The following SV2C variants were observed in gnomAD, a reference collection of about 807,000 sequenced individuals.
The protein encoded by SV2C is synaptic vesicle glycoprotein 2C.
In SV2C, 49 loss-of-function variants were observed where a neutral mutation model predicts 79.7. The ratio of observed to expected loss-of-function variants is 0.61; its 90% CI spans 0.49 to 0.78. The LOEUF is 0.78. Among genes scored for constraint, SV2C ranks in the 30% least tolerant of loss-of-function variants. SV2C has a pLI of 0.00. For missense variants in SV2C, 833 were observed against 912.9 expected (o/e 0.91, Z 1.13); for synonymous variants, 334 against 333.2 (o/e 1.00, Z -0.03).
the SV2C span, among the ~76,000 whole-genome samples, chr5:75,888,554 C>T: frequency 2.0e-4 from 31 of 152,092 alleles, no homozygotes; most frequent in African/African-American, 5.3e-4. Context: ...CTTTTCCTTT[C>T]GCTGCCACAT....
intron 9 of SV2C, 34 bp from the exon 10 acceptor site, chr5:76,298,760 T>C (rs1334129152): frequency 1.2e-6 from 2 of 1,608,540 alleles, no homozygotes; most frequent in Non-Finnish European, 8.5e-7. Context: ...GACACAGTCA[T>C]TGATTGATAT....
intron 2 of SV2C, among the ~76,000 whole-genome samples, chr5:76,141,059 T>A (rs1749235082): frequency 6.6e-6 from 1 of 152,224 alleles, no homozygotes; most frequent in Non-Finnish European, 1.5e-5. Context: ...GGATCTTATT[T>A]CCTCTTGCCT....
At chr5:76,166,596 C>G (rs1014041343) in intron 2 of SV2C, among the ~76,000 whole-genome samples, 5 of 152,238 alleles carry the variant, frequency 3.3e-5, no homozygotes, top group African/African-American at 1.2e-4. Context: ...CCACAAATAT[C>G]TAGGAGCTAG....
the SV2C span, among the ~76,000 whole-genome samples, chr5:75,881,023 G>C: frequency 0.024 from 3,707 of 152,176 alleles, 145 homozygotes; most frequent in African/African-American, 0.085. Flanking sequence ...AGGAACAAAA[G>C]AGTGAGTGGA....
rs1297623079 is a variant in SV2C at position 76,209,791 on chromosome 5, G to A, written c.817G>A (p.Glu273Lys). The change falls in exon 4 of 13, where the codon GAA (glutamate) becomes AAA (lysine). Residue 273 changes from glutamate (E) to lysine (K), a missense_variant. By Grantham distance (56) the Glu-to-Lys change is moderately conservative. Coordinates refer to ENST00000502798, the MANE Select transcript of SV2C (RefSeq NM_014979.4). ...GTACTTTGCTGAAGTCCTGGCCCGG[G>A]AAAAGCGGGGCGAACACTTGAGCTG... The part of the protein sequence containing the change: ...FSYFAEVLAR[E>K]KRGEHLSWLC... 1 of 1,614,102 alleles carries A rather than the reference G, an allele frequency of 6.2e-7. No homozygotes were observed. Among genetic ancestry groups the A allele is most frequent in the Non-Finnish European group, 8.5e-7 (1 of 1,180,048 alleles).
intron 4 of SV2C, among the ~76,000 whole-genome samples, chr5:76,262,842 T>G (rs1394908884): frequency 6.6e-6 from 1 of 152,226 alleles, no homozygotes; most frequent in African/African-American, 2.4e-5. Flanking sequence ...AGGAGTGTTT[T>G]ACTTCCAATT....
At chr5:76,146,097 A>C (rs1749411076) in intron 2 of SV2C, among the ~76,000 whole-genome samples, 1 of 152,180 alleles carries the variant, frequency 6.6e-6, no homozygotes, top group South Asian at 2.1e-4. Flanking sequence ...CCTGACAAGG[A>C]CTGAGCTGAA....
the SV2C span, among the ~76,000 whole-genome samples, chr5:75,916,246 C>G: frequency 6.7e-6 from 1 of 150,126 alleles, no homozygotes; most frequent in Admixed American, 6.6e-5. Flanking sequence ...GGTTCCTCCT[C>G]CTTGTCCTCT....
the SV2C span, among the ~76,000 whole-genome samples, chr5:76,037,440 C>T: frequency 6.6e-6 from 1 of 152,150 alleles, no homozygotes; most frequent in Non-Finnish European, 1.5e-5. Context: ...GATGTCCTTT[C>T]TGTTTGTTAG....
the SV2C span, among the ~76,000 whole-genome samples, chr5:75,987,521 A>C: frequency 6.6e-6 from 1 of 151,928 alleles, no homozygotes; most frequent in Non-Finnish European, 1.5e-5. Context: ...GAGCAGGAAA[A>C]CCAACTCTGG....
chr5:76,033,887 A>C, the SV2C span, among the ~76,000 whole-genome samples: 2 of 151,544 alleles, frequency 1.3e-5, no homozygotes, highest in African/African-American at 2.4e-5. Context: ...TGAGCATGGA[A>C]TGTTCTTCCA....
chr5:76,277,734 G>T (rs1033308821), intron 4 of SV2C, among the ~76,000 whole-genome samples: 6 of 151,150 alleles, frequency 4.0e-5, no homozygotes, highest in Admixed American at 2.0e-4. Flanking sequence ...CGCCAGCCTG[G>T]GTGACCTAGG....
chr5:76,223,942 T>C (rs1257313858), intron 4 of SV2C, among the ~76,000 whole-genome samples: 2 of 152,086 alleles, frequency 1.3e-5, no homozygotes, highest in African/African-American at 4.8e-5. Context: ...GGGATGGGCA[T>C]CTCTCTCTTC....
chr5:76,282,404 G>A (rs754887869), intron 4 of SV2C, among the ~76,000 whole-genome samples: 6 of 152,248 alleles, frequency 3.9e-5, no homozygotes, highest in Admixed American at 6.5e-5. Context: ...GAGGTCTCAT[G>A]AAGCTTTGGC....
At chr5:75,999,135 C>T in the SV2C span, among the ~76,000 whole-genome samples, 173 of 152,086 alleles carry the variant, frequency 1.1e-3, 2 homozygotes, top group Admixed American at 4.5e-3. Context: ...TTCACTATCA[C>T]GAGAACAGCA....
chr5:76,125,061 G>A (rs1384039357), intron 1 of SV2C, among the ~76,000 whole-genome samples: 5 of 152,072 alleles, frequency 3.3e-5, no homozygotes, highest in African/African-American at 7.2e-5. Context: ...CAACTGCTGA[G>A]GTCTTTACCC....
intron 4 of SV2C, among the ~76,000 whole-genome samples, chr5:76,213,252 C>T (rs778056330): frequency 6.6e-6 from 1 of 152,146 alleles, no homozygotes; most frequent in Non-Finnish European, 1.5e-5. Context: ...AATAACTTTG[C>T]TGAGGTCATT....
At chr5:76,033,387 C>G in the SV2C span, among the ~76,000 whole-genome samples, 4 of 152,172 alleles carry the variant, frequency 2.6e-5, no homozygotes, top group Non-Finnish European at 5.9e-5. Flanking sequence ...TTAGGTCTAA[C>G]ATTTAAGTCT....
At chr5:76,269,356 A>G (rs898149372) in intron 4 of SV2C, among the ~76,000 whole-genome samples, 7 of 152,338 alleles carry the variant, frequency 4.6e-5, no homozygotes, top group African/African-American at 1.4e-4. Context: ...TAGTAGAAGT[A>G]TGTCCCAAAT....
Sources: gnomAD v4.1 joint callset for allele counts (sites outside exome capture counted in the v4.1 genomes callset) on GRCh38, gnomAD v4.1.1 for gene constraint, MANE v1.5 for transcripts, NCBI Gene and HGNC (gene_info 2026-07-23, HGNC 2026-07-21) for gene names.